Variants in CERS6 observed in about 807,000 individuals in gnomAD.
CERS6 encodes LAG1 homolog, ceramide synthase 6.
Under a neutral mutation model 56.8 loss-of-function variants are expected in CERS6, and 26 were observed. That is an observed-to-expected ratio of 0.46 (90% confidence interval 0.34 to 0.63). The LOEUF (loss-of-function observed/expected upper bound fraction) is 0.63, where lower values mean the gene tolerates loss of function less well. Ranked by LOEUF, CERS6 falls within the 30% of genes least tolerant of loss-of-function variation. The pLI is 0.01. For missense variants in CERS6, 415 were observed against 467.5 expected (o/e 0.89, Z 1.04); for synonymous variants, 164 against 173.3 (o/e 0.95, Z 0.42).
intron 6 of CERS6, among the ~76,000 whole-genome samples, chr2:168,701,079 G>C (rs776301702): frequency 5.3e-5 from 8 of 152,280 alleles, no homozygotes; most frequent in Non-Finnish European, 1.0e-4. Flanking sequence ...ACAGTGATTG[G>C]TAACACTGGA....
intron 1 of CERS6, among the ~76,000 whole-genome samples, chr2:168,457,020 G>T (rs1327143387): frequency 1.3e-5 from 2 of 152,202 alleles, no homozygotes; most frequent in Non-Finnish European, 2.9e-5. Context: ...GCCGGGGCCC[G>T]CGCCACCCAC....
intron 3 of CERS6, among the ~76,000 whole-genome samples, chr2:168,585,387 G>A (rs571334658): frequency 2.6e-5 from 4 of 152,320 alleles, no homozygotes; most frequent in South Asian, 2.1e-4. Context: ...CATGTTCTAC[G>A]TTCTTCTGCT....
At chr2:168,469,824 A>G (rs1359994765) in intron 1 of CERS6, among the ~76,000 whole-genome samples, 1 of 152,206 alleles carries the variant, frequency 6.6e-6, no homozygotes, top group African/African-American at 2.4e-5. Context: ...ACAGGTGACC[A>G]GAAGACCACA....
chr2:168,535,996 A>C (rs1695256207), intron 1 of CERS6, among the ~76,000 whole-genome samples: 1 of 151,982 alleles, frequency 6.6e-6, no homozygotes, highest in African/African-American at 2.4e-5. Context: ...GATCATCAAA[A>C]ATCTTTAAAA....
chr2:168,726,739 AT>A (rs1459268438), intron 8 of CERS6, among the ~76,000 whole-genome samples: 1 of 152,218 alleles, frequency 6.6e-6, no homozygotes, highest in African/African-American at 2.4e-5. Context: ...AATATTAGGC[AT>A]TTTTCAAAAT....
intron 5 of CERS6, among the ~76,000 whole-genome samples, chr2:168,692,520 C>T (rs1686531227): frequency 1.3e-5 from 2 of 152,124 alleles, no homozygotes; most frequent in African/African-American, 4.8e-5. Flanking sequence ...GGTTTCACAG[C>T]ACTGTAGATT....
At chr2:168,714,942 G>A in intron 6 of CERS6, 59 bp from the exon 7 acceptor site, 1 of 1,533,578 alleles carries the variant, frequency 6.5e-7, no homozygotes, top group Non-Finnish European at 8.8e-7. Context: ...GTGGCTGAAT[G>A]GCTAAATGGA....
intron 1 of CERS6, among the ~76,000 whole-genome samples, chr2:168,517,407 G>A (rs896423317): frequency 6.6e-6 from 1 of 151,850 alleles, no homozygotes; most frequent in Non-Finnish European, 1.5e-5. Context: ...CAGGAGAATT[G>A]CTTGAACCCA....
intron 1 of CERS6, among the ~76,000 whole-genome samples, chr2:168,464,828 T>C (rs753172550): frequency 6.6e-6 from 1 of 151,810 alleles, no homozygotes; most frequent in Non-Finnish European, 1.5e-5. Context: ...GAACTACAAA[T>C]CAAAACCACT....
intron 3 of CERS6, among the ~76,000 whole-genome samples, chr2:168,601,019 G>A (rs1289352070): frequency 1.3e-5 from 2 of 152,158 alleles, no homozygotes; most frequent in Non-Finnish European, 2.9e-5. Context: ...TAGAGCCAAT[G>A]CAGAATGATT....
chr2:168,630,622 A>T (rs1048075762), intron 3 of CERS6, among the ~76,000 whole-genome samples: 2 of 152,176 alleles, frequency 1.3e-5, no homozygotes, highest in African/African-American at 2.4e-5. Context: ...TCCAGTTGTT[A>T]GTTTTGAATT....
At chr2:168,647,395 T>C (rs1281291851) in intron 4 of CERS6, among the ~76,000 whole-genome samples, 1 of 152,210 alleles carries the variant, frequency 6.6e-6, no homozygotes, top group Non-Finnish European at 1.5e-5. Flanking sequence ...TCTGAAGTTA[T>C]CAGCTGAAAG....
Position 168,683,737 on chromosome 2 carries a change from C to A in CERS6, c.466-7297C>A, listed in dbSNP as rs540252383. 2.3e-3 allele frequency among the ~76,000 whole-genome samples: 343 copies of A among 152,210 alleles called. 1 individual carries two copies. Among genetic ancestry groups the A allele is most frequent in the Middle Eastern group, 3.4e-3 (1 of 294 alleles). ...TGGTCTCTTTTACTTTGCAGTGATT[C>A]TTGCTGGGTGTAGAGGAGAGTCCAC... On this transcript the variant is annotated intron_variant, in intron 4 of 9. Coordinates refer to ENST00000305747, the MANE Select transcript of CERS6 (RefSeq NM_203463.3).
chr2:168,681,515 A>G (rs1390124079), intron 4 of CERS6, among the ~76,000 whole-genome samples: 1 of 152,138 alleles, frequency 6.6e-6, no homozygotes, highest in East Asian at 1.9e-4. Context: ...ATTATTTTTG[A>G]TATGCAATTT....
At chr2:168,575,265 G>A (rs1447983203) in intron 3 of CERS6, among the ~76,000 whole-genome samples, 1 of 152,124 alleles carries the variant, frequency 6.6e-6, no homozygotes, top group Non-Finnish European at 1.5e-5. Context: ...CTGCTATAAA[G>A]ATATTACTGG....
intron 4 of CERS6, among the ~76,000 whole-genome samples, chr2:168,659,337 TTC>T: frequency 6.6e-6 from 1 of 152,236 alleles, no homozygotes; most frequent in Non-Finnish European, 1.5e-5. Flanking sequence ...AAATCTCCTT[TTC>T]TCTCCCTCAC....
intron 3 of CERS6, among the ~76,000 whole-genome samples, chr2:168,573,584 T>G (rs1180285039): frequency 1.3e-5 from 2 of 152,210 alleles, no homozygotes; most frequent in African/African-American, 4.8e-5. Flanking sequence ...CCTTGGCACA[T>G]ATACCATTAA....
intron 3 of CERS6, among the ~76,000 whole-genome samples, chr2:168,601,333 G>T (rs894631334): frequency 6.6e-6 from 1 of 152,228 alleles, no homozygotes; most frequent in Non-Finnish European, 1.5e-5. Context: ...GTTTCTCTCT[G>T]TGATGTTAAC....
chr2:168,512,775 C>G (rs954016682), intron 1 of CERS6, among the ~76,000 whole-genome samples: 2 of 151,226 alleles, frequency 1.3e-5, no homozygotes, highest in East Asian at 3.9e-4. Context: ...TCAAGCGATT[C>G]TCCTGCTTCA....
Sources: gnomAD v4.1 joint callset for allele counts (sites outside exome capture counted in the v4.1 genomes callset) on GRCh38, gnomAD v4.1.1 for gene constraint, MANE v1.5 for transcripts, NCBI Gene and HGNC (gene_info 2026-07-23, HGNC 2026-07-21) for gene names.